COX7B2: variants seen among roughly 807,000 people sequenced by gnomAD.
COX7B2 encodes the protein cytochrome c oxidase subunit 7B2, also known as cytochrome c oxidase subunit 7B2, mitochondrial.
For missense variants in COX7B2, 109 were observed against 95.9 expected (o/e 1.14, Z -0.57); for synonymous variants, 37 against 32.1 (o/e 1.15, Z -0.51).
At chr4:46,816,818 A>G (rs1305052348) in intron 2 of COX7B2, among the ~76,000 whole-genome samples, 4 of 152,216 alleles carry the variant, frequency 2.6e-5, no homozygotes, top group African/African-American at 9.6e-5. Context: ...TGTTACAGAC[A>G]TTCATGTAAT....
intron 2 of COX7B2, among the ~76,000 whole-genome samples, chr4:46,830,901 G>C (rs553546187): frequency 6.6e-6 from 1 of 152,220 alleles, no homozygotes; most frequent in Non-Finnish European, 1.5e-5. Context: ...GCCTTTGCTC[G>C]CTCTTGGCGC....
At chr4:46,836,281 CACAA>C (rs1214904447) in intron 2 of COX7B2, among the ~76,000 whole-genome samples, 1 of 152,054 alleles carries the variant, frequency 6.6e-6, no homozygotes, top group East Asian at 1.9e-4. Context: ...TAGCTCAAAA[CACAA>C]ACACTGTACA....
rs182177970 is a variant in COX7B2, at chr4:46,768,409, C to T, written c.-49-33168G>A. 4.6e-5 allele frequency among the ~76,000 whole-genome samples: 7 copies of T among 152,256 alleles called. No homozygotes were observed. The East Asian group carries it at 5.8e-4, about 13-fold the overall frequency. On this transcript the variant is annotated intron_variant, in intron 2 of 2. Transcript: ENST00000355591. ...GATGCTTCTCTCTTCCCTCCTCTGC[C>T]GTGCTACTCTGCTCCTCTGCCACTG...
At chr4:46,765,762 T>C (rs1022712514) in intron 2 of COX7B2, among the ~76,000 whole-genome samples, 3 of 151,816 alleles carry the variant, frequency 2.0e-5, no homozygotes, top group African/African-American at 7.3e-5. Context: ...GGACCACAAC[T>C]GAGTCCCCAG....
intron 2 of COX7B2, among the ~76,000 whole-genome samples, chr4:46,762,790 A>G (rs182847404): frequency 1.3e-5 from 2 of 148,260 alleles, no homozygotes; most frequent in Non-Finnish European, 3.0e-5. Flanking sequence ...TATACATATG[A>G]AAAAAAGGGA....
At chr4:46,742,764 T>C (rs1168973592) in intron 2 of COX7B2, among the ~76,000 whole-genome samples, 2 of 152,136 alleles carry the variant, frequency 1.3e-5, no homozygotes, top group African/African-American at 4.8e-5. Context: ...TGAGCTGGTG[T>C]CCTCAAATGC....
chr4:46,868,291 G>T (rs1717791186), intron 1 of COX7B2, among the ~76,000 whole-genome samples: 1 of 151,786 alleles, frequency 6.6e-6, no homozygotes, highest in Non-Finnish European at 1.5e-5. Flanking sequence ...CTAGCTAGTG[G>T]CCTATCCTAT....
chr4:46,789,410 A>T (rs977700109), intron 2 of COX7B2, among the ~76,000 whole-genome samples: 1 of 152,156 alleles, frequency 6.6e-6, no homozygotes, highest in African/African-American at 2.4e-5. Context: ...TCTCAAAAAA[A>T]TTTTTAAATC....
chr4:46,835,743 A>C (rs1035108219), intron 2 of COX7B2, among the ~76,000 whole-genome samples: 1 of 152,188 alleles, frequency 6.6e-6, no homozygotes, highest in African/African-American at 2.4e-5. Flanking sequence ...TGTGCCATTT[A>C]ATGATGGGGA....
chr4:46,863,095 G>T (rs189260606), intron 1 of COX7B2, among the ~76,000 whole-genome samples: 42 of 152,050 alleles, frequency 2.8e-4, no homozygotes, highest in African/African-American at 9.9e-4. Context: ...CCTTTTTATC[G>T]AGAAAAAGAA....
chr4:46,751,604 C>T (rs1282142444), intron 2 of COX7B2, among the ~76,000 whole-genome samples: 1 of 152,022 alleles, frequency 6.6e-6, no homozygotes, highest in Non-Finnish European at 1.5e-5. Flanking sequence ...TTAGCAACCA[C>T]AAGCCTATAT....
At chr4:46,772,569 T>G (rs943225990) in intron 2 of COX7B2, among the ~76,000 whole-genome samples, 29 of 152,138 alleles carry the variant, frequency 1.9e-4, no homozygotes, top group African/African-American at 7.0e-4. Flanking sequence ...TATATAATTT[T>G]TATTTCTTAT....
At chr4:46,908,928 C>CA in intron 1 of COX7B2, among the ~76,000 whole-genome samples, 1 of 151,818 alleles carries the variant, frequency 6.6e-6, no homozygotes, top group Non-Finnish European at 1.5e-5. Context: ...CCTGTAGTCC[C>CA]AGCTACTCGG....
intron 2 of COX7B2, among the ~76,000 whole-genome samples, chr4:46,811,742 T>A (rs1443273008): frequency 6.6e-6 from 1 of 152,190 alleles, no homozygotes; most frequent in Non-Finnish European, 1.5e-5. Context: ...TGTCTGTGCA[T>A]CAGACAGTGC....
At chr4:46,739,505 G>A (rs1052717902) in intron 2 of COX7B2, among the ~76,000 whole-genome samples, 1 of 151,972 alleles carries the variant, frequency 6.6e-6, no homozygotes, top group Non-Finnish European at 1.5e-5. Flanking sequence ...AGAAGCTTAT[G>A]GTATAGTGGA....
intron 1 of COX7B2, among the ~76,000 whole-genome samples, chr4:46,866,509 G>A (rs1408628012): frequency 2.0e-5 from 3 of 152,140 alleles, no homozygotes; most frequent in African/African-American, 4.8e-5. Flanking sequence ...AAACAAAAAT[G>A]TATGTTGGTC....
At chr4:46,751,698 C>A (rs1715390858) in intron 2 of COX7B2, among the ~76,000 whole-genome samples, 1 of 151,750 alleles carries the variant, frequency 6.6e-6, no homozygotes, top group Admixed American at 6.6e-5. Flanking sequence ...ATTAGGTGGG[C>A]AGAAAATACT....
chr4:46,889,984 A>T (rs1282467955), intron 1 of COX7B2, among the ~76,000 whole-genome samples: 1 of 152,066 alleles, frequency 6.6e-6, no homozygotes, highest in African/African-American at 2.4e-5. Flanking sequence ...TTATCCAAAA[A>T]AGAAATATAT....
chr4:46,870,163 G>A (rs1180145464), intron 1 of COX7B2, among the ~76,000 whole-genome samples: 1 of 151,680 alleles, frequency 6.6e-6, no homozygotes, highest in Non-Finnish European at 1.5e-5. Context: ...TTATTTTACT[G>A]TTACTACTCG....
Sources: allele counts gnomAD v4.1 joint callset (sites outside exome capture counted in the v4.1 genomes callset), GRCh38; gene constraint gnomAD v4.1.1; transcripts MANE v1.5; gene names NCBI Gene and HGNC (gene_info 2026-07-23, HGNC 2026-07-21).